The following LIMCH1 variants were observed in gnomAD, a reference collection of about 807,000 sequenced individuals.
LIMCH1 encodes the protein LIM and calponin homology domains 1.
A neutral mutation model predicts 176.5 loss-of-function variants in LIMCH1; 113 were observed. The observed-to-expected ratio is 0.64, with a 90% CI of 0.55 to 0.75. The LOEUF (loss-of-function observed/expected upper bound fraction) is 0.75. LIMCH1 is among the 30% of genes least tolerant of loss of function. The pLI is 0.00. For synonymous variants in LIMCH1, 619 were observed against 645.9 expected, an observed-to-expected ratio of 0.96 and a Z score of 0.63; for missense variants, 1,674 against 1,814.9, an observed-to-expected ratio of 0.92 and a Z score of 1.41.
chr4:41,363,527 G>C (rs180874934), intron 1 of LIMCH1, among the ~76,000 whole-genome samples: 1 of 152,130 alleles, frequency 6.6e-6, no homozygotes, highest in Admixed American at 6.5e-5. Context: ...GTCTCGCCTC[G>C]ATTCTTGGTC....
chr4:41,425,926 C>CTG (rs1217854094), intron 1 of LIMCH1, among the ~76,000 whole-genome samples: 1 of 151,584 alleles, frequency 6.6e-6, no homozygotes, highest in East Asian at 1.9e-4. Context: ...GTCTGAGGTG[C>CTG]TGCTGTTTTA....
chr4:41,685,902 G>A, intron 28 of LIMCH1, 72 bp downstream of exon 28: 2 of 1,511,434 alleles, frequency 1.3e-6, no homozygotes, highest in African/African-American at 1.4e-5. Flanking sequence ...GGAGAAGAAT[G>A]AAAAATGTGA....
intron 2 of LIMCH1, among the ~76,000 whole-genome samples, chr4:41,516,946 C>T (rs1171711364): frequency 6.6e-6 from 1 of 152,094 alleles, no homozygotes; most frequent in Non-Finnish European, 1.5e-5. Flanking sequence ...AGAAAGGCCT[C>T]CTGCAGAGAT....
At chr4:41,576,227 A>T (rs1000446803) in intron 1 of LIMCH1, among the ~76,000 whole-genome samples, 2 of 152,162 alleles carry the variant, frequency 1.3e-5, no homozygotes, top group African/African-American at 4.8e-5. Flanking sequence ...GTGTTTCTGT[A>T]TGTGTTTATG....
At position 41,366,903 on chromosome 4, in the gene LIMCH1, A is replaced by T. The variant is rs2053090069; in HGVS notation, c.96+5967A>T. The stretch of plus-strand genomic sequence containing the variant: ...AGACTGGGTAATTTATAAAGAAAGG[A>T]GGTTTAACTGACTTACAGTTCCACG... On this transcript the variant is annotated intron_variant, in intron 1 of 26. Coordinates refer to the LIMCH1 transcript ENST00000313860. 3.3e-5 allele frequency among the ~76,000 whole-genome samples: 5 copies of T among 150,458 alleles called. No homozygotes were observed. In the South Asian group the frequency reaches 1.0e-3, roughly 31 times the overall value.
intron 2 of LIMCH1, among the ~76,000 whole-genome samples, chr4:41,508,178 G>A (rs2074410869): frequency 6.6e-6 from 1 of 152,164 alleles, no homozygotes; most frequent in Non-Finnish European, 1.5e-5. Context: ...AGAAGTAGTG[G>A]GGGCAAGATT....
intron 1 of LIMCH1, among the ~76,000 whole-genome samples, chr4:41,561,207 A>G (rs2082023697): frequency 6.6e-6 from 1 of 152,220 alleles, no homozygotes; most frequent in Non-Finnish European, 1.5e-5. Context: ...GTGCTCACAC[A>G]CATTTAAATG....
chr4:41,546,557 A>G (rs187601172), intron 1 of LIMCH1, among the ~76,000 whole-genome samples: 4 of 150,268 alleles, frequency 2.7e-5, no homozygotes, highest in Admixed American at 2.7e-4. Context: ...CTTCTTTTTT[A>G]TTCTTTTTTA....
Position 41,613,496 on chromosome 4 carries a change from A to G in LIMCH1, c.40A>G (p.Ser14Gly), listed in dbSNP as rs993073460. 1.3e-5 allele frequency: 21 copies of G among 1,614,008 alleles called. No individual in the cohort carries two copies. The highest frequency in any genetic ancestry group is 1.5e-5 in the Non-Finnish European group (18 of 1,180,024). Residue 14 changes from serine (S) to glycine (G), a missense_variant, in exon 5 of 32, where the codon AGT becomes GGT. By Grantham distance (56) the Ser-to-Gly change is moderately conservative. Coordinates refer to ENST00000503057, the MANE Select transcript of LIMCH1 (RefSeq NM_001330672.2). ...TGATGACATTGAAAGTCCTAAACGC[A>G]GTATCCGAGACAGTGGCTACATCGA... Reference protein sequence around the residue: ...DTDDIESPKRSIRDSGYIDCW... With the variant: ...DTDDIESPKRGIRDSGYIDCW...
At chr4:41,482,695 GGC>G (rs1322445190) in intron 1 of LIMCH1, among the ~76,000 whole-genome samples, 3 of 152,304 alleles carry the variant, frequency 2.0e-5, no homozygotes, top group Admixed American at 2.0e-4. Context: ...TGAGATCCAT[GGC>G]AATTTTATTA....
At chr4:41,406,428 C>T (rs367663937) in intron 1 of LIMCH1, among the ~76,000 whole-genome samples, 2 of 152,124 alleles carry the variant, frequency 1.3e-5, no homozygotes, top group Non-Finnish European at 2.9e-5. Flanking sequence ...GGCTGACTGA[C>T]GCACAGGGAA....
intron 22 of LIMCH1, among the ~76,000 whole-genome samples, chr4:41,672,632 A>G (rs971882510): frequency 6.6e-6 from 1 of 152,216 alleles, no homozygotes; most frequent in African/African-American, 2.4e-5. Context: ...ATAAGAAAAC[A>G]TTTGTTAATT....
At chr4:41,479,361 C>T (rs1166816703) in intron 1 of LIMCH1, among the ~76,000 whole-genome samples, 1 of 152,206 alleles carries the variant, frequency 6.6e-6, no homozygotes, top group East Asian at 1.9e-4. Flanking sequence ...AAGCTGTCCT[C>T]TTGCCTCAGC....
intron 1 of LIMCH1, among the ~76,000 whole-genome samples, chr4:41,467,947 C>G (rs762449268): frequency 8.6e-5 from 13 of 152,018 alleles, no homozygotes; most frequent in Non-Finnish European, 1.6e-4. Flanking sequence ...TATCAGAATT[C>G]AAAAGACGGT....
At chr4:41,541,309 C>T (rs537292244) in intron 1 of LIMCH1, among the ~76,000 whole-genome samples, 2 of 149,564 alleles carry the variant, frequency 1.3e-5, no homozygotes, top group South Asian at 2.1e-4. Flanking sequence ...TTCGGGAAGG[C>T]TGGATTCCTT....
intron 1 of LIMCH1, among the ~76,000 whole-genome samples, chr4:41,432,221 ACTGT>A (rs1280055050): frequency 6.6e-6 from 1 of 152,244 alleles, no homozygotes; most frequent in Non-Finnish European, 1.5e-5. Flanking sequence ...TTGTGTGAAC[ACTGT>A]CTGAGTGGAT....
chr4:41,498,250 G>C (rs1291692121), intron 2 of LIMCH1, among the ~76,000 whole-genome samples: 1 of 152,102 alleles, frequency 6.6e-6, no homozygotes, highest in Non-Finnish European at 1.5e-5. Flanking sequence ...ACAGGAGAGA[G>C]AAAAGACGAG....
chr4:41,627,112 C>G lies in LIMCH1; in HGVS notation c.1028+102C>G, dbSNP rs1004727636. 4.3e-6 allele frequency: 6 copies of G among 1,393,370 alleles called. No individual in the cohort carries two copies. The African/African-American group carries it at 8.7e-5, about 20-fold the overall frequency. The allele number at this position is 1,393,370 out of a possible 1,614,324, so 86.3% of individuals were successfully genotyped here. On this transcript the variant is annotated intron_variant, in intron 8 of 31. Coordinates refer to ENST00000503057, the MANE Select transcript of LIMCH1 (RefSeq NM_001330672.2). ...TAAGTGAAGTCAGTTTGTATTGTAC[C>G]CCCTCCAGTTCCTCTTTCCAGCCTC...
chr4:41,590,554 C>G (rs1470952205), intron 1 of LIMCH1, among the ~76,000 whole-genome samples: 1 of 152,172 alleles, frequency 6.6e-6, no homozygotes, highest in Non-Finnish European at 1.5e-5. Flanking sequence ...TTTAGCAAGA[C>G]ACTCAGAGGC....
Sources: allele counts gnomAD v4.1 joint callset (sites outside exome capture counted in the v4.1 genomes callset), GRCh38; gene constraint gnomAD v4.1.1; transcripts MANE v1.5; gene names NCBI Gene and HGNC (gene_info 2026-07-23, HGNC 2026-07-21).